The following FMN1 variants were observed in gnomAD, a reference collection of about 807,000 sequenced individuals.
FMN1 encodes formin-1.
Under a neutral mutation model 132.4 loss-of-function variants are expected in FMN1, and 110 were observed. The observed-to-expected ratio is 0.83, with a 90% CI of 0.71 to 0.97. FMN1 has a LOEUF of 0.97. Among genes scored for constraint, FMN1 ranks in the 50% least tolerant of loss-of-function variants. FMN1 has a pLI of 0.00. For synonymous variants in FMN1, 722 were observed against 651.7 expected (o/e 1.11, Z -1.64); for missense variants, 1,792 against 1,705.3 (o/e 1.05, Z -0.90).
At chr15:33,105,622 C>A (rs1279859563) in intron 4 of FMN1, 2 of 152,110 alleles carry the variant, frequency 1.3e-5, no homozygotes, top group Admixed American at 1.3e-4. Context: ...AATAGGGAAT[C>A]TTGACTAAAA....
chr15:33,186,600 T>A (rs1965896693), intron 2 of FMN1, among the ~76,000 whole-genome samples: 1 of 152,240 alleles, frequency 6.6e-6, no homozygotes, highest in Non-Finnish European at 1.5e-5. Context: ...AGATTCTATC[T>A]TACTATCTCT....
rs183367664 is a variant in FMN1, at chr15:32,909,213, C to T, written c.3289-635G>A. Among the ~76,000 whole-genome samples the T allele has an allele frequency of 6.6e-5, 10 of 152,272 alleles. 1 individual carries two copies. In the South Asian group the frequency reaches 1.5e-3, roughly 22 times the overall value. The stretch of plus-strand genomic sequence containing the variant: ...AGCATCTGGAAGGTACTGCCTTTGA[C>T]AAAGTTCTTTAACATGAACCACTGT... On this transcript the variant is annotated intron_variant, in intron 11 of 20. Coordinates refer to ENST00000616417, the MANE Select transcript of FMN1 (RefSeq NM_001277313.2).
chr15:33,069,976 A>G (rs1031738124), intron 5 of FMN1, among the ~76,000 whole-genome samples: 1 of 147,456 alleles, frequency 6.8e-6, no homozygotes, highest in Non-Finnish European at 1.5e-5. Flanking sequence ...ACAACAGATC[A>G]TAAGATCAGT....
intron 4 of FMN1, among the ~76,000 whole-genome samples, chr15:33,101,726 C>G (rs1001031598): frequency 1.3e-4 from 20 of 152,134 alleles, no homozygotes; most frequent in Non-Finnish European, 1.5e-5. Flanking sequence ...CCTATCCCAT[C>G]GGTCCTATGA....
At chr15:32,870,239 C>G (rs2059484433) in intron 16 of FMN1, among the ~76,000 whole-genome samples, 1 of 152,152 alleles carries the variant, frequency 6.6e-6, no homozygotes, top group South Asian at 2.1e-4. Flanking sequence ...AAAAATCATT[C>G]CATACAAGAA....
At chr15:33,015,011 C>G (rs2034956498) in intron 6 of FMN1, among the ~76,000 whole-genome samples, 1 of 152,184 alleles carries the variant, frequency 6.6e-6, no homozygotes. Context: ...AAAAGGTAGA[C>G]CCTATCATAT....
At chr15:32,905,898 T>C (rs891249005) in intron 12 of FMN1, among the ~76,000 whole-genome samples, 1 of 152,014 alleles carries the variant, frequency 6.6e-6, no homozygotes, top group Non-Finnish European at 1.5e-5. Flanking sequence ...AAGGCCCCCA[T>C]CTATCCGTGC....
chr15:33,050,245 T>C (rs2036906770), intron 6 of FMN1, among the ~76,000 whole-genome samples: 1 of 152,232 alleles, frequency 6.6e-6, no homozygotes, highest in Non-Finnish European at 1.5e-5. Context: ...AAGAAGCATC[T>C]GTATACATAT....
chr15:33,116,066 A>G (rs2039912121), intron 4 of FMN1, among the ~76,000 whole-genome samples: 1 of 152,204 alleles, frequency 6.6e-6, no homozygotes, highest in South Asian at 2.1e-4. Context: ...GAAAGACTAT[A>G]GAGATCCAAC....
Position 33,058,739 on chromosome 15 carries a change from G to A in FMN1, c.2161+6218C>T, listed in dbSNP as rs144551954. Among the ~76,000 whole-genome samples, 848 of 152,158 alleles carry A rather than the reference G, an allele frequency of 5.6e-3. 9 individuals carry two copies. The highest frequency in any genetic ancestry group is 0.02 in the African/African-American group (816 of 41,496). ...TTCAGGTCCACTCACTTCAGATCCCGTAATTTGTAATAACCTGCATAATTT... is the reference window on the plus strand; with the variant it reads ...TTCAGGTCCACTCACTTCAGATCCCATAATTTGTAATAACCTGCATAATTT... On this transcript the variant is annotated intron_variant, in intron 6 of 20. Coordinates refer to ENST00000616417, the MANE Select transcript of FMN1 (RefSeq NM_001277313.2).
intron 9 of FMN1, among the ~76,000 whole-genome samples, chr15:32,952,004 A>C (rs1391739502): frequency 6.6e-6 from 1 of 152,190 alleles, no homozygotes; most frequent in Non-Finnish European, 1.5e-5. Context: ...AAACGCCCAG[A>C]TCTCAGCTTG....
rs1596493342 is a variant in FMN1, at chr15:33,023,546, C to T, written c.2162-15471G>A. 5.3e-5 allele frequency among the ~76,000 whole-genome samples: 8 copies of T among 151,990 alleles called. No homozygotes were observed. In the South Asian group the frequency reaches 1.7e-3, roughly 32 times the overall value. On this transcript the variant is annotated intron_variant, in intron 6 of 20. Coordinates refer to ENST00000616417, the MANE Select transcript of FMN1 (RefSeq NM_001277313.2). The stretch of plus-strand genomic sequence containing the variant: ...TTGTAAAATTCTGATATATTAGAAA[C>T]AAAATACTCAACAGACATTGAAATA...
At chr15:32,955,107 G>A (rs2061735050) in intron 9 of FMN1, among the ~76,000 whole-genome samples, 1 of 152,156 alleles carries the variant, frequency 6.6e-6, no homozygotes, top group South Asian at 2.1e-4. Flanking sequence ...TATAAAACAG[G>A]AACAATAATA....
chr15:33,000,057 A>C (rs1458218435), intron 7 of FMN1, among the ~76,000 whole-genome samples: 2 of 152,208 alleles, frequency 1.3e-5, no homozygotes, highest in East Asian at 3.9e-4. Flanking sequence ...TCAGAGTGTA[A>C]CTGAAAACCT....
rs1338163671 is a variant in FMN1, at chr15:32,969,325, A to G, written c.2376T>C (p.Asp792=). The G allele has an allele frequency of 6.2e-7, 1 of 1,613,974 alleles. No homozygotes were observed. Among genetic ancestry groups the G allele is most frequent in the Admixed American group, 1.7e-5 (1 of 60,014 alleles). The change falls in exon 8 of 21, where the codon GAT becomes GAC. Residue 792 remains aspartate, a synonymous_variant. Coordinates refer to ENST00000616417, the MANE Select transcript of FMN1 (RefSeq NM_001277313.2). ...EERKDVCIST[D]DDCPPKTFRN... Reference sequence around the variant, plus strand: ...TGAAGGTCTTTGGAGGGCAGTCATCATCGGTGGAAATGCACACATCTTTCC... The same window carrying G: ...TGAAGGTCTTTGGAGGGCAGTCATCGTCGGTGGAAATGCACACATCTTTCC...
chr15:32,866,183 A>C (rs2059388296), intron 16 of FMN1, among the ~76,000 whole-genome samples: 1 of 151,576 alleles, frequency 6.6e-6, no homozygotes, highest in Admixed American at 6.6e-5. Flanking sequence ...CATATGTAAC[A>C]AACCTGCACG....
chr15:32,785,141 TGTGTGTGTGTGTATACGTAC>T (rs1419485014), intron 19 of FMN1, among the ~76,000 whole-genome samples: 1 of 144,786 alleles, frequency 6.9e-6, no homozygotes, highest in African/African-American at 2.6e-5. Flanking sequence ...TAGGGGTGTG[TGTGTGTGTGTGTATACGTAC>T]GTGTGTGTGT....
rs16959024 is a variant in FMN1 at position 32,801,888 on chromosome 15, T to C, written c.3980+2393A>G. 6.9e-3 allele frequency among the ~76,000 whole-genome samples: 1,044 copies of C among 152,354 alleles called. 14 individuals carry two copies. Among genetic ancestry groups the C allele is most frequent in the African/African-American group, 0.024 (999 of 41,582 alleles). The stretch of plus-strand genomic sequence containing the variant: ...AATGCTAAAAGCTAGAATATGAACC[T>C]GCAATGGTTTGATAAGGCCTAGACT... On this transcript the variant is annotated intron_variant, in intron 18 of 20. Transcript: ENST00000616417.
intron 9 of FMN1, among the ~76,000 whole-genome samples, chr15:32,930,193 T>C (rs1375428296): frequency 1.3e-5 from 2 of 151,988 alleles, no homozygotes; most frequent in African/African-American, 2.4e-5. Context: ...TTCACCGTGT[T>C]AGCCAGAATG....
Sources: gnomAD v4.1 joint callset for allele counts (sites outside exome capture counted in the v4.1 genomes callset) on GRCh38, gnomAD v4.1.1 for gene constraint, MANE v1.5 for transcripts, NCBI Gene and HGNC (gene_info 2026-07-23, HGNC 2026-07-21) for gene names.